Variants in AP3B1 observed in about 807,000 individuals in gnomAD.
AP3B1 encodes the protein AP-3 complex subunit beta-1.
A neutral mutation model predicts 132.5 loss-of-function variants in AP3B1; 61 were observed. That is an observed-to-expected ratio of 0.46 (90% CI 0.37 to 0.57). The LOEUF (loss-of-function observed/expected upper bound fraction) is 0.57, where lower values mean the gene tolerates loss of function less well. Among genes scored for constraint, AP3B1 ranks in the 20% least tolerant of loss-of-function variants. AP3B1 has a pLI of 0.00. For missense variants in AP3B1, 1,120 were observed against 1,289.4 expected (o/e 0.87, Z 2.01); for synonymous variants, 388 against 438.3 (o/e 0.89, Z 1.43).
chr5:78,032,638 C>T (rs1324304691), intron 24 of AP3B1, among the ~76,000 whole-genome samples: 2 of 151,742 alleles, frequency 1.3e-5, no homozygotes, highest in Non-Finnish European at 2.9e-5. Flanking sequence ...GATTACACTG[C>T]TTCAGGATCA....
intron 24 of AP3B1, among the ~76,000 whole-genome samples, chr5:78,023,363 GCC>G (rs1346561440): frequency 3.3e-5 from 5 of 152,060 alleles, no homozygotes; most frequent in Non-Finnish European, 7.4e-5. Context: ...GATTGCTTAA[GCC>G]CAGGAGTTTG....
At position 78,116,199 on chromosome 5, in the gene AP3B1, T is replaced by C; in HGVS notation, c.2004A>G (p.Gln668=). The stretch of plus-strand genomic sequence containing the variant: ...AATAAAACTTCTTAGCAGAATTCTC[T>C]TGCTTTGCTTTTCCTGCTGGGGTCC... ...KEWTPAGKAK[Q]ENSAKKFYSE... is the part of the protein sequence containing the mutation. Residue 668 remains glutamine (Q), a synonymous_variant, in exon 18 of 27, where the codon CAA becomes CAG. Transcript: ENST00000255194. 6.2e-7 allele frequency: 1 copy of C among 1,613,838 alleles called. No individual in the cohort carries two copies. The highest frequency in any genetic ancestry group is 8.5e-7 in the Non-Finnish European group (1 of 1,179,816).
chr5:78,191,354 CAAAAAAA>C (rs34733864), intron 7 of AP3B1, among the ~76,000 whole-genome samples: 3 of 72,832 alleles, frequency 4.1e-5, no homozygotes, highest in African/African-American at 1.1e-4. Flanking sequence ...TGCTTTTCCC[CAAAAAAA>C]AAAAAAAAAA....
chr5:78,027,333 T>C (rs1747376389), intron 24 of AP3B1, among the ~76,000 whole-genome samples: 1 of 152,124 alleles, frequency 6.6e-6, no homozygotes, highest in South Asian at 2.1e-4. Context: ...CTGCATGGTC[T>C]GTTCTTTCCC....
intron 13 of AP3B1, among the ~76,000 whole-genome samples, chr5:78,160,528 T>C (rs1302552443): frequency 6.6e-6 from 1 of 151,974 alleles, no homozygotes; most frequent in Non-Finnish European, 1.5e-5. Flanking sequence ...AAACTAGAGG[T>C]CCAAGAGAAA....
intron 24 of AP3B1, among the ~76,000 whole-genome samples, chr5:78,031,902 C>A (rs144218418): frequency 4.3e-4 from 65 of 152,246 alleles, no homozygotes; most frequent in Middle Eastern, 3.4e-3. Flanking sequence ...GTGCTCAGTT[C>A]TCTAACTAGC....
intron 8 of AP3B1, among the ~76,000 whole-genome samples, chr5:78,178,424 C>A (rs1400158269): frequency 6.6e-6 from 1 of 152,128 alleles, no homozygotes; most frequent in East Asian, 1.9e-4. Flanking sequence ...GGTGTGAGAG[C>A]ATCCTGGCCA....
chr5:78,184,699 A>AAAAAAAAAAAAAAAAC (rs1491328377), intron 7 of AP3B1, among the ~76,000 whole-genome samples: 101 of 151,886 alleles, frequency 6.6e-4, no homozygotes, highest in African/African-American at 2.4e-3. Flanking sequence ...AAAAAAAAAA[A>AAAAAAAAAAAAAAAAC]CAGAGTCTCA....
At chr5:78,270,725 CA>C (rs1199098444) in intron 1 of AP3B1, among the ~76,000 whole-genome samples, 4 of 152,172 alleles carry the variant, frequency 2.6e-5, no homozygotes, top group Admixed American at 6.5e-5. Context: ...TGTTTTTGTG[CA>C]AAACATTAAG....
rs1317625979 is a variant in AP3B1, at chr5:78,193,750, A to G, written c.787-12088T>C. On this transcript the variant is annotated intron_variant, in intron 7 of 26. Coordinates refer to ENST00000255194, the MANE Select transcript of AP3B1 (RefSeq NM_003664.5). The stretch of plus-strand genomic sequence containing the variant: ...AATATTTGTATATATTTTTTTATAT[A>G]TATATATATATATATATATATTTTT... Among the ~76,000 whole-genome samples, 231 of 115,862 alleles carry G rather than the reference A, an allele frequency of 2.0e-3. 2 individuals carry two copies. Among genetic ancestry groups the G allele is most frequent in the African/African-American group, 7.3e-3 (213 of 29,170 alleles). The allele number at this position is 115,862 out of a possible 152,430, so 76.0% of individuals were successfully genotyped here.
chr5:78,252,853 G>A (rs1747698406), intron 2 of AP3B1, among the ~76,000 whole-genome samples: 1 of 152,222 alleles, frequency 6.6e-6, no homozygotes. Flanking sequence ...GCTACCTGCT[G>A]ACTGTAGAGC....
At chr5:78,281,466 A>T (rs1441037115) in intron 1 of AP3B1, among the ~76,000 whole-genome samples, 1 of 150,728 alleles carries the variant, frequency 6.6e-6, no homozygotes, top group Non-Finnish European at 1.5e-5. Flanking sequence ...AACAGTTCTC[A>T]TCTATAGTTA....
At chr5:78,122,926 A>T (rs1752288124) in intron 17 of AP3B1, among the ~76,000 whole-genome samples, 1 of 152,258 alleles carries the variant, frequency 6.6e-6, no homozygotes, top group Non-Finnish European at 1.5e-5. Flanking sequence ...TGGAGGCATC[A>T]TGCCATCTGA....
chr5:78,085,369 T>C (rs1017350466), intron 22 of AP3B1, among the ~76,000 whole-genome samples: 3 of 152,200 alleles, frequency 2.0e-5, no homozygotes, highest in Non-Finnish European at 4.4e-5. Context: ...TGTGTTTATA[T>C]CATTTGTCCA....
chr5:78,235,440 G>A (rs996001593), intron 3 of AP3B1, among the ~76,000 whole-genome samples: 1 of 152,154 alleles, frequency 6.6e-6, no homozygotes, highest in Non-Finnish European at 1.5e-5. Flanking sequence ...CTCACTATTG[G>A]AGAAGGATTT....
chr5:78,289,499 G>C (rs552004828), intron 1 of AP3B1, among the ~76,000 whole-genome samples: 36 of 152,246 alleles, frequency 2.4e-4, no homozygotes, highest in African/African-American at 7.7e-4. Flanking sequence ...GATTTAAACA[G>C]AGTAAAAATG....
At chr5:78,091,277 CAAAAAAAA>C (rs748473899) in intron 21 of AP3B1, among the ~76,000 whole-genome samples, 14 of 79,514 alleles carry the variant, frequency 1.8e-4, no homozygotes, top group African/African-American at 6.7e-4. Context: ...ATGTATTTGA[CAAAAAAAA>C]AAAAAAAAAA....
At chr5:78,075,321 T>C (rs1749720459) in intron 22 of AP3B1, among the ~76,000 whole-genome samples, 1 of 152,230 alleles carries the variant, frequency 6.6e-6, no homozygotes, top group South Asian at 2.1e-4. Context: ...AATACTGTTT[T>C]AGTAGATTTC....
chr5:78,230,226 C>T (rs1267896675), intron 3 of AP3B1, among the ~76,000 whole-genome samples: 1 of 152,146 alleles, frequency 6.6e-6, no homozygotes, highest in Non-Finnish European at 1.5e-5. Flanking sequence ...CATTTATCTA[C>T]AGAAATTGTC....
Sources: gnomAD v4.1 joint callset for allele counts (sites outside exome capture counted in the v4.1 genomes callset) on GRCh38, gnomAD v4.1.1 for gene constraint, MANE v1.5 for transcripts, NCBI Gene and HGNC (gene_info 2026-07-23, HGNC 2026-07-21) for gene names.